SRGAP1: variants seen among roughly 807,000 people sequenced by gnomAD.
SRGAP1 encodes SLIT-ROBO Rho GTPase-activating protein 1.
A neutral mutation model predicts 121.9 loss-of-function variants in SRGAP1; 43 were observed. That is an observed-to-expected ratio of 0.35 (90% CI 0.28 to 0.46). The LOEUF (loss-of-function observed/expected upper bound fraction) is 0.46. Ranked by LOEUF, SRGAP1 falls within the 20% of genes least tolerant of loss-of-function variation. The pLI is 1.00. For missense variants in SRGAP1, 1,102 were observed against 1,350.9 expected, an observed-to-expected ratio of 0.82 and a Z score of 2.89; for synonymous variants, 447 against 485.4, an observed-to-expected ratio of 0.92 and a Z score of 1.04.
Position 64,019,735 on chromosome 12 carries a change from C to T in SRGAP1, c.489+2723C>T, listed in dbSNP as rs572698388. 2.6e-5 allele frequency among the ~76,000 whole-genome samples: 4 copies of T among 152,288 alleles called. No individual in the cohort carries two copies. In the East Asian group the frequency reaches 7.7e-4, roughly 29 times the overall value. Reference sequence around the variant, plus strand: ...AGAGGCAAGATGAGGCATATTTGAACAGTGGAACAATATTTGGAGGAATGT... The same window carrying T: ...AGAGGCAAGATGAGGCATATTTGAATAGTGGAACAATATTTGGAGGAATGT... On this transcript the variant is annotated intron_variant, in intron 4 of 21. Coordinates refer to ENST00000355086, the MANE Select transcript of SRGAP1 (RefSeq NM_020762.4).
At chr12:64,066,060 A>G (rs1053788507) in intron 8 of SRGAP1, among the ~76,000 whole-genome samples, 6 of 152,212 alleles carry the variant, frequency 3.9e-5, no homozygotes, top group Non-Finnish European at 8.8e-5. Context: ...AAGGCTCCCA[A>G]TTGTAATTTA....
intron 1 of SRGAP1, among the ~76,000 whole-genome samples, chr12:63,942,755 C>T (rs972313141): frequency 2.6e-5 from 4 of 152,194 alleles, no homozygotes; most frequent in Non-Finnish European, 5.9e-5. Context: ...GCCTTCCATC[C>T]GTTTCTTCTC....
At chr12:63,976,535 C>T (rs2033101084) in intron 1 of SRGAP1, among the ~76,000 whole-genome samples, 1 of 152,180 alleles carries the variant, frequency 6.6e-6, no homozygotes, top group South Asian at 2.1e-4. Flanking sequence ...GAATGGGACT[C>T]ATGACTTTCA....
chr12:63,997,735 T>G (rs1423611013), intron 3 of SRGAP1, among the ~76,000 whole-genome samples: 1 of 152,110 alleles, frequency 6.6e-6, no homozygotes, highest in African/African-American at 2.4e-5. Flanking sequence ...CAGTAAATAA[T>G]TCATCCCCAA....
chr12:64,063,204 T>TA, intron 7 of SRGAP1, 66 bp downstream of exon 7: 1 of 1,370,346 alleles, frequency 7.3e-7, no homozygotes, highest in East Asian at 2.3e-5. Context: ...TCACTTGCTA[T>TA]AATCTAACAG....
At position 64,106,917 on chromosome 12, in the gene SRGAP1, ATAAAT is replaced by A. The variant is rs1565683602; in HGVS notation, c.1814-2012_1814-2008del. On this transcript the variant is annotated intron_variant, in intron 15 of 21. Transcript: ENST00000355086. ...TCAGTATTACTAAGATCACACTATTATAAATTATAGATTTATATTGAAAGAATAAA... is the reference window on the plus strand; with the variant it reads ...TCAGTATTACTAAGATCACACTATTATATAGATTTATATTGAAAGAATAAA... Among the ~76,000 whole-genome samples the A allele has an allele frequency of 2.0e-5, 3 of 152,352 alleles. No homozygotes were observed. The South Asian group carries it at 6.2e-4, about 32-fold the overall frequency.
At chr12:63,871,763 TC>T in intron 1 of SRGAP1, 1 of 1,199,464 alleles carries the variant, frequency 8.3e-7, no homozygotes, top group East Asian at 2.3e-5. Flanking sequence ...CTTGGTCCTT[TC>T]TTTTCTTATA....
At chr12:64,124,086 G>T (rs2036650056) in intron 18 of SRGAP1, among the ~76,000 whole-genome samples, 1 of 152,066 alleles carries the variant, frequency 6.6e-6, no homozygotes, top group South Asian at 2.1e-4. Context: ...GCAAAAAGAA[G>T]GGGCATTTTT....
At chr12:63,920,300 C>T (rs187158817) in intron 1 of SRGAP1, among the ~76,000 whole-genome samples, 36 of 152,256 alleles carry the variant, frequency 2.4e-4, no homozygotes, top group African/African-American at 7.9e-4. Context: ...ATGAAGTGAA[C>T]GACCAAACCA....
chr12:63,861,764 A>G (rs1899460790), intron 1 of SRGAP1, among the ~76,000 whole-genome samples: 1 of 152,084 alleles, frequency 6.6e-6, no homozygotes, highest in Non-Finnish European at 1.5e-5. Context: ...AGATGGGTCA[A>G]TTGCTTGAGT....
At chr12:63,947,520 C>A (rs1592970832) in intron 1 of SRGAP1, among the ~76,000 whole-genome samples, 2 of 152,220 alleles carry the variant, frequency 1.3e-5, no homozygotes, top group South Asian at 4.1e-4. Context: ...TATGTGGATA[C>A]CTGTTGCTCT....
intron 1 of SRGAP1, among the ~76,000 whole-genome samples, chr12:63,909,555 T>A (rs1245867626): frequency 6.6e-6 from 1 of 152,232 alleles, no homozygotes; most frequent in East Asian, 1.9e-4. Context: ...CCCAGGCAAA[T>A]ATAGGCACAC....
chr12:64,109,394 A>C (rs1290044087), intron 16 of SRGAP1, among the ~76,000 whole-genome samples: 1 of 152,160 alleles, frequency 6.6e-6, no homozygotes, highest in East Asian at 1.9e-4. Flanking sequence ...CATTGCGGAA[A>C]ATTTCTGCGA....
chr12:64,015,009 G>A (rs1461498888), intron 3 of SRGAP1, among the ~76,000 whole-genome samples: 1 of 152,018 alleles, frequency 6.6e-6, no homozygotes, highest in African/African-American at 2.4e-5. Context: ...TAGAGATGGG[G>A]TTTCACCATG....
intron 1 of SRGAP1, among the ~76,000 whole-genome samples, chr12:63,930,142 T>C (rs2031417476): frequency 6.6e-6 from 1 of 152,118 alleles, no homozygotes; most frequent in South Asian, 2.1e-4. Context: ...GAATTACTGA[T>C]GTTTGCTTCA....
At chr12:63,875,382 C>T (rs1004149317) in intron 1 of SRGAP1, among the ~76,000 whole-genome samples, 1 of 152,148 alleles carries the variant, frequency 6.6e-6, no homozygotes, top group South Asian at 2.1e-4. Flanking sequence ...CGCCAATAAT[C>T]AAGCTGTAAA....
rs751312133 is a variant in SRGAP1, at chr12:64,087,042, A to G, written c.1436+16A>G. 2.5e-6 allele frequency: 4 copies of G among 1,569,454 alleles called. No individual in the cohort carries two copies. The highest frequency in any genetic ancestry group is 3.5e-6 in the Non-Finnish European group (4 of 1,149,580). ...TGACTACAAGGTAGGAAAATATTTTATCATAACTTATAGCGTATTTTACTT... is the reference window on the plus strand; with the variant it reads ...TGACTACAAGGTAGGAAAATATTTTGTCATAACTTATAGCGTATTTTACTT... On this transcript the variant is annotated intron_variant, in intron 11 of 21. Transcript: ENST00000355086.
chr12:64,152,742 C>G lies in SRGAP1; in HGVS notation c.*10070C>G, dbSNP rs2037131051. On this transcript the variant is annotated 3_prime_UTR_variant, in exon 22 of 22. Transcript: ENST00000355086. ...TTGAAATTATATTCATCATTCCAAA[C>G]CCAACAAAATGGTTACATCCTTCAT... 1 of 152,006 alleles carries G rather than the reference C, an allele frequency of 6.6e-6. No homozygotes were observed. Among genetic ancestry groups the G allele is most frequent in the African/African-American group, 2.4e-5 (1 of 41,390 alleles). The allele number at this position is 152,006 out of a possible 1,614,324, so 9.4% of individuals were successfully genotyped here. A position where few individuals can be genotyped will look rare whatever the true frequency, so the allele number is the denominator to read the frequency against.
At chr12:63,863,585 T>G (rs1313142689) in intron 1 of SRGAP1, among the ~76,000 whole-genome samples, 2 of 152,176 alleles carry the variant, frequency 1.3e-5, no homozygotes, top group African/African-American at 4.8e-5. Flanking sequence ...GTTGCTCCAT[T>G]TTTAATTGAA....
Sources: gnomAD v4.1 joint callset for allele counts (sites outside exome capture counted in the v4.1 genomes callset) on GRCh38, gnomAD v4.1.1 for gene constraint, MANE v1.5 for transcripts, NCBI Gene and HGNC (gene_info 2026-07-23, HGNC 2026-07-21) for gene names.